MSH4: variants seen among roughly 807,000 people sequenced by gnomAD.
The protein encoded by MSH4 is mutS homolog 4.
In MSH4, 106 loss-of-function variants were observed where a neutral mutation model predicts 113.7. That is an observed-to-expected ratio of 0.93 (90% CI 0.80 to 1.10). The LOEUF is 1.10. MSH4 is among the 50% of genes least tolerant of loss of function. The pLI is 0.00. For synonymous variants in MSH4, 368 were observed against 380.2 expected (o/e 0.97, Z 0.37); for missense variants, 1,061 against 1,093.7 (o/e 0.97, Z 0.42).
chr1:75,816,848 A>G (rs5745378), intron 6 of MSH4, among the ~76,000 whole-genome samples: 2 of 152,142 alleles, frequency 1.3e-5, no homozygotes, highest in Non-Finnish European at 2.9e-5. Flanking sequence ...GCTGGTCTCA[A>G]ATTCTGGATC....
chr1:75,843,817 CTT>C (rs951781563), intron 7 of MSH4, among the ~76,000 whole-genome samples: 1 of 146,284 alleles, frequency 6.8e-6, no homozygotes, highest in Non-Finnish European at 1.5e-5. Context: ...TTGTGGGTTT[CTT>C]TTTTTTTTTG....
rs368490167 is a variant in MSH4 at position 75,890,770 on chromosome 1, G to T, written c.2301G>T (p.Thr767=). 1 of 1,610,224 alleles carries T rather than the reference G, an allele frequency of 6.2e-7. No homozygotes were observed. The highest frequency in any genetic ancestry group is 1.1e-5 in the South Asian group (1 of 90,426). The part of the protein sequence containing the change: ...LIDELGRGTN[T]EEGIGICYAV... ...ATGAACTTGGCAGAGGTACTAATAC[G>T]GAAGAAGGTATTGGCATTTGTTATG... Residue 767 remains threonine (T), a synonymous_variant, in exon 17 of 20, where the codon ACG becomes ACT. Coordinates refer to ENST00000263187, the MANE Select transcript of MSH4 (RefSeq NM_002440.4).
rs774396348 is a variant in MSH4, at chr1:75,912,840, G to A, written c.2764G>A (p.Glu922Lys). The A allele has an allele frequency of 6.3e-7, 1 of 1,579,490 alleles. No individual in the cohort carries two copies. Among genetic ancestry groups the A allele is most frequent in the Non-Finnish European group, 8.6e-7 (1 of 1,164,206 alleles). The change falls in exon 20 of 20, where the codon GAA becomes AAA. Residue 922 changes from glutamate to lysine, a missense_variant. Glu to Lys is a moderately conservative substitution (Grantham distance 56, BLOSUM62 1). Transcript: ENST00000263187. The stretch of plus-strand genomic sequence containing the variant: ...AAGTAACCTCAAGAAGAAGTACAAA[G>A]AAGATTTTCCCAGGACTGAACAAGT... ...YLSNLKKKYK[E>K]DFPRTEQVPE... is the part of the protein sequence containing the mutation.
chr1:75,801,710 TA>T (rs149081898), intron 1 of MSH4, among the ~76,000 whole-genome samples: 10 of 144,924 alleles, frequency 6.9e-5, no homozygotes, highest in Admixed American at 3.4e-4. Context: ...CCTGTCTCTA[TA>T]AAAAAAAAAT....
At chr1:75,877,715 G>A (rs1651845081) in intron 10 of MSH4, among the ~76,000 whole-genome samples, 1 of 152,156 alleles carries the variant, frequency 6.6e-6, no homozygotes, top group African/African-American at 2.4e-5. Context: ...AGTGTCTCTT[G>A]CCTCTACCGA....
intron 8 of MSH4, among the ~76,000 whole-genome samples, chr1:75,867,168 C>T (rs1651603646): frequency 6.6e-6 from 1 of 152,160 alleles, no homozygotes; most frequent in South Asian, 2.1e-4. Context: ...TCTACAAATA[C>T]TCTTTGTGCC....
intron 12 of MSH4, 47 bp downstream of exon 12, chr1:75,879,175 A>G: frequency 6.5e-7 from 1 of 1,548,590 alleles, no homozygotes. Flanking sequence ...ATTTTATAGA[A>G]TTACATCTAC....
intron 7 of MSH4, among the ~76,000 whole-genome samples, chr1:75,826,631 G>T (rs182666497): frequency 6.6e-6 from 1 of 152,072 alleles, no homozygotes; most frequent in Non-Finnish European, 1.5e-5. Flanking sequence ...CCCTGGTTTA[G>T]CTGTGTCCCA....
chr1:75,902,673 GTATATATATATATATATATATA>G lies in MSH4; in HGVS notation c.2619+3008_2619+3029del, dbSNP rs34304425. 9.2e-3 allele frequency among the ~76,000 whole-genome samples: 827 copies of G among 90,138 alleles called. 21 individuals are homozygous for G. Among genetic ancestry groups the G allele is most frequent in the East Asian group, 0.014 (15 of 1,062 alleles). 59.1% of individuals were successfully genotyped at this position (90,138 alleles called of 152,430 possible). The stretch of plus-strand genomic sequence containing the variant: ...AGGTACAGGTGTTATATATGTGTAT[GTATATATATATATATATATATA>G]TATATATATATATATATATATATAT... On this transcript the variant is annotated intron_variant, in intron 19 of 19. Coordinates refer to ENST00000263187, the MANE Select transcript of MSH4 (RefSeq NM_002440.4).
chr1:75,840,835 C>T (rs1229179640), intron 7 of MSH4, among the ~76,000 whole-genome samples: 4 of 152,006 alleles, frequency 2.6e-5, no homozygotes, highest in Non-Finnish European at 4.4e-5. Context: ...GTTCGGGCAA[C>T]AGAACTCTAA....
chr1:75,855,252 T>C (rs1023687404), intron 8 of MSH4, among the ~76,000 whole-genome samples: 2 of 152,088 alleles, frequency 1.3e-5, no homozygotes, highest in South Asian at 2.1e-4. Flanking sequence ...TGCCCAGGCT[T>C]GTCTTGAACT....
At chr1:75,889,714 CAA>C (rs1223158665) in intron 16 of MSH4, among the ~76,000 whole-genome samples, 2 of 152,080 alleles carry the variant, frequency 1.3e-5, no homozygotes, top group Non-Finnish European at 2.9e-5. Context: ...GATTTTAAAA[CAA>C]AAGATTACTG....
intron 1 of MSH4, among the ~76,000 whole-genome samples, chr1:75,799,540 T>C (rs1158079372): frequency 6.6e-6 from 1 of 152,210 alleles, no homozygotes; most frequent in African/African-American, 2.4e-5. Context: ...CACCTTGAAC[T>C]GGTCTTCAAG....
At chr1:75,867,927 T>C (rs1408894373) in intron 9 of MSH4, among the ~76,000 whole-genome samples, 1 of 152,136 alleles carries the variant, frequency 6.6e-6, no homozygotes, top group African/African-American at 2.4e-5. Flanking sequence ...ATGTATCCCA[T>C]ACTCAAATTT....
Position 75,810,722 on chromosome 1 carries a change from C to A in MSH4, c.614C>A (p.Ser205Ter). 6.4e-7 allele frequency: 1 copy of A among 1,565,200 alleles called. No homozygotes were observed. The highest frequency in any genetic ancestry group is 8.6e-7 in the Non-Finnish European group (1 of 1,158,220). The part of the protein sequence containing the change: ...AKVITKLKIL[S>*]PLEIIMSNTA... Reference sequence around the variant, plus strand: ...GTGATCACTAAACTTAAAATTTTATCACCTTTGGAAATAATAATGTCAAAT... The same window carrying A: ...GTGATCACTAAACTTAAAATTTTATAACCTTTGGAAATAATAATGTCAAAT... Residue 205 changes from serine (S) to a stop codon, truncating the protein, a stop_gained, in exon 4 of 20, where the codon TCA becomes TAA. Transcript: ENST00000263187. LOFTEE classifies it high-confidence loss of function.
intron 6 of MSH4, 33 bp downstream of exon 6, chr1:75,816,579 A>G: frequency 8.0e-7 from 1 of 1,244,544 alleles, no homozygotes; most frequent in Non-Finnish European, 1.1e-6. Context: ...TATAAAATAT[A>G]TCGGTATATA....
chr1:75,801,698 A>G lies in MSH4; in HGVS notation c.245-2033A>G, dbSNP rs187050775. On this transcript the variant is annotated intron_variant, in intron 1 of 19. Transcript: ENST00000263187. Reference sequence around the variant, plus strand: ...AGATCAGCCTGGGCAATGTAGCAAGACCCTGTCTCTATAAAAAAAAAATTA... The same window carrying G: ...AGATCAGCCTGGGCAATGTAGCAAGGCCCTGTCTCTATAAAAAAAAAATTA... Among the ~76,000 whole-genome samples, 4 of 151,298 alleles carry G rather than the reference A, an allele frequency of 2.6e-5. No homozygotes were observed. In the East Asian group the frequency reaches 7.8e-4, roughly 30 times the overall value.
chr1:75,887,905 C>T (rs1570990952), intron 15 of MSH4, among the ~76,000 whole-genome samples: 1 of 151,670 alleles, frequency 6.6e-6, no homozygotes, highest in African/African-American at 2.4e-5. Context: ...GATTATGTGT[C>T]AGAAGCCACT....
intron 8 of MSH4, among the ~76,000 whole-genome samples, chr1:75,865,455 A>G (rs925889614): frequency 5.3e-5 from 8 of 152,166 alleles, no homozygotes; most frequent in Admixed American, 6.5e-5. Context: ...TTTATTACGT[A>G]TAGTTCCCAA....
Sources: gnomAD v4.1 joint callset for allele counts (sites outside exome capture counted in the v4.1 genomes callset) on GRCh38, gnomAD v4.1.1 for gene constraint, MANE v1.5 for transcripts, NCBI Gene and HGNC (gene_info 2026-07-23, HGNC 2026-07-21) for gene names.